ARHGAP10: variants seen among roughly 807,000 people sequenced by gnomAD.
The protein encoded by ARHGAP10 is rho GTPase-activating protein 10.
Under a neutral mutation model 108.6 loss-of-function variants are expected in ARHGAP10, and 87 were observed. The observed-to-expected ratio is 0.80, with a 90% confidence interval of 0.67 to 0.96. ARHGAP10 has a LOEUF of 0.96. Ranked by LOEUF, ARHGAP10 falls within the 40% of genes least tolerant of loss-of-function variation. ARHGAP10 has a pLI of 0.00. For missense variants in ARHGAP10, 939 were observed against 954.5 expected (o/e 0.98, Z 0.21); for synonymous variants, 347 against 341.1 (o/e 1.02, Z -0.19).
At chr4:147,734,054 G>C (rs1728328906) in intron 1 of ARHGAP10, among the ~76,000 whole-genome samples, 4 of 152,018 alleles carry the variant, frequency 2.6e-5, no homozygotes, top group African/African-American at 9.7e-5. Context: ...GGAGGAGTTG[G>C]GAGCGGGGGT....
chr4:147,837,645 T>G (rs1339530385), intron 3 of ARHGAP10, among the ~76,000 whole-genome samples: 11 of 119,792 alleles, frequency 9.2e-5, no homozygotes, highest in African/African-American at 3.0e-4. Flanking sequence ...TGGTCACTGT[T>G]TTTTTTTTTT....
At chr4:147,963,304 C>A (rs1234722123) in intron 16 of ARHGAP10, among the ~76,000 whole-genome samples, 1 of 152,162 alleles carries the variant, frequency 6.6e-6, no homozygotes, top group Non-Finnish European at 1.5e-5. Flanking sequence ...TTTCCTTGAA[C>A]CCTTCCCCGT....
intron 18 of ARHGAP10, among the ~76,000 whole-genome samples, chr4:147,993,360 T>C (rs944493462): frequency 6.6e-6 from 1 of 152,258 alleles, no homozygotes; most frequent in Admixed American, 6.5e-5. Context: ...TGATGATGTA[T>C]GTAGGAGTTC....
At position 147,908,183 on chromosome 4, in the gene ARHGAP10, G is replaced by T. The variant is rs145250497; in HGVS notation, c.1116+1464G>T. On this transcript the variant is annotated intron_variant, in intron 11 of 22. Transcript: ENST00000336498. Reference sequence around the variant, plus strand: ...TCTTAATTTGTTGTTGAAATTTTTAGCTGTGAATCAAGAGTATTTACAGTG... The same window carrying T: ...TCTTAATTTGTTGTTGAAATTTTTATCTGTGAATCAAGAGTATTTACAGTG... Among the ~76,000 whole-genome samples the T allele has an allele frequency of 7.9e-5, 12 of 152,200 alleles. No individual in the cohort carries two copies. The East Asian group carries it at 2.3e-3, about 29-fold the overall frequency.
intron 1 of ARHGAP10, 64 bp downstream of exon 1, chr4:147,732,519 G>C (rs1578977075): frequency 5.7e-6 from 9 of 1,592,480 alleles, no homozygotes; most frequent in Middle Eastern, 1.7e-4. Flanking sequence ...AGCCTCTCTC[G>C]GCAGGAGACG....
intron 7 of ARHGAP10, among the ~76,000 whole-genome samples, chr4:147,869,167 A>G (rs1162248741): frequency 2.0e-5 from 3 of 152,108 alleles, no homozygotes; most frequent in African/African-American, 7.2e-5. Flanking sequence ...TTTGATCATT[A>G]AAGCAAGCAG....
At chr4:147,793,323 T>A (rs373910597) in intron 1 of ARHGAP10, among the ~76,000 whole-genome samples, 4,955 of 146,568 alleles carry the variant, frequency 0.034, 97 homozygotes, top group East Asian at 0.046. Flanking sequence ...TATATATATT[T>A]TTTTTTTTTT....
At chr4:147,837,020 A>C (rs1733198171) in intron 3 of ARHGAP10, among the ~76,000 whole-genome samples, 1 of 152,152 alleles carries the variant, frequency 6.6e-6, no homozygotes, top group Non-Finnish European at 1.5e-5. Flanking sequence ...CTCGTAGCGA[A>C]ATCGATTGTG....
intron 14 of ARHGAP10, among the ~76,000 whole-genome samples, chr4:147,944,304 G>A (rs980912926): frequency 6.6e-6 from 1 of 152,184 alleles, no homozygotes; most frequent in African/African-American, 2.4e-5. Flanking sequence ...AGAATTGTAG[G>A]AACTGATCAA....
intron 13 of ARHGAP10, among the ~76,000 whole-genome samples, chr4:147,931,392 T>C (rs926466739): frequency 1.3e-5 from 2 of 152,096 alleles, no homozygotes; most frequent in Admixed American, 1.3e-4. Context: ...AATATTGATA[T>C]CAATATCATC....
At chr4:147,771,528 C>A (rs772182515) in intron 1 of ARHGAP10, among the ~76,000 whole-genome samples, 1 of 151,856 alleles carries the variant, frequency 6.6e-6, no homozygotes, top group South Asian at 2.1e-4. Flanking sequence ...CCTGTTGTGC[C>A]AGCAAATACT....
intron 3 of ARHGAP10, among the ~76,000 whole-genome samples, chr4:147,842,235 C>T (rs370158372): frequency 1.3e-5 from 2 of 152,106 alleles, no homozygotes; most frequent in African/African-American, 2.4e-5. Context: ...CATGCCTGGC[C>T]GTGAAACCCT....
At chr4:147,744,884 GGGAA>G (rs1728842514) in intron 1 of ARHGAP10, among the ~76,000 whole-genome samples, 2 of 152,132 alleles carry the variant, frequency 1.3e-5, no homozygotes, top group African/African-American at 4.8e-5. Flanking sequence ...CCATATGGAT[GGGAA>G]ACGATGCCAT....
intron 16 of ARHGAP10, among the ~76,000 whole-genome samples, chr4:147,960,063 A>G (rs1022088429): frequency 1.3e-5 from 2 of 152,136 alleles, no homozygotes; most frequent in Non-Finnish European, 1.5e-5. Flanking sequence ...CTTTAAGTCT[A>G]TTTTTAAAAA....
intron 18 of ARHGAP10, among the ~76,000 whole-genome samples, chr4:148,008,195 T>C (rs1741024367): frequency 6.6e-6 from 1 of 152,186 alleles, no homozygotes; most frequent in Admixed American, 6.5e-5. Context: ...TTGATAGTTT[T>C]TTCTGTTGAA....
chr4:147,776,031 A>G (rs1044301966), intron 1 of ARHGAP10, among the ~76,000 whole-genome samples: 2 of 152,162 alleles, frequency 1.3e-5, no homozygotes, highest in African/African-American at 2.4e-5. Flanking sequence ...TTAGCTCCAC[A>G]GTTTTTCAGA....
chr4:147,821,090 G>T (rs1440265029), intron 1 of ARHGAP10, among the ~76,000 whole-genome samples: 2 of 152,082 alleles, frequency 1.3e-5, no homozygotes, highest in African/African-American at 4.8e-5. Context: ...CTGCTGCTGC[G>T]GCAACTATAC....
In ARHGAP10 at chr4:147,939,842, T is replaced by C; in HGVS notation, c.1246T>C (p.Leu416=). Residue 416 remains leucine, a synonymous_variant, in exon 14 of 23, where the codon TTG becomes CTG. Transcript: ENST00000336498. ...VETRGINDQG[L]YRVVGVSSKV... is the part of the protein sequence containing the mutation. Reference sequence around the variant, plus strand: ...TCCCATAGGTATAAATGACCAAGGATTGTACAGAGTTGTGGGGGTGAGTTC... The same window carrying C: ...TCCCATAGGTATAAATGACCAAGGACTGTACAGAGTTGTGGGGGTGAGTTC... 6 of 1,614,024 alleles carry C rather than the reference T, an allele frequency of 3.7e-6. No individual in the cohort carries two copies. Among genetic ancestry groups the C allele is most frequent in the Non-Finnish European group, 4.2e-6 (5 of 1,179,924 alleles).
At chr4:147,850,025 G>A (rs1733797471) in intron 4 of ARHGAP10, among the ~76,000 whole-genome samples, 1 of 152,134 alleles carries the variant, frequency 6.6e-6, no homozygotes, top group Admixed American at 6.5e-5. Flanking sequence ...TCAGCGCTCT[G>A]TATCTAGCCA....
Sources: allele counts gnomAD v4.1 joint callset (sites outside exome capture counted in the v4.1 genomes callset), GRCh38; gene constraint gnomAD v4.1.1; transcripts MANE v1.5; gene names NCBI Gene and HGNC (gene_info 2026-07-23, HGNC 2026-07-21).